Variants in FAM53A observed in about 807,000 individuals in gnomAD.
FAM53A encodes protein FAM53A.
FAM53A carries 28 observed loss-of-function variants against 26.6 expected under a neutral mutation model. The ratio of observed to expected loss-of-function variants is 1.05; its 90% CI spans 0.78 to 1.45. FAM53A has a LOEUF of 1.45. Among genes scored for constraint, FAM53A ranks in the 40% most tolerant of loss-of-function variants. FAM53A has a pLI of 0.00. For missense variants in FAM53A, 650 were observed against 575.8 expected, an observed-to-expected ratio of 1.13 and a Z score of -1.32; for synonymous variants, 290 against 253.1, an observed-to-expected ratio of 1.15 and a Z score of -1.38.
the FAM53A span, among the ~76,000 whole-genome samples, chr4:1,594,724 T>A: frequency 6.6e-6 from 1 of 152,104 alleles, no homozygotes; most frequent in African/African-American, 2.4e-5. Context: ...ACACATGTAG[T>A]CCCAGCTACT....
chr4:1,668,068 C>A (rs1714366622), intron 2 of FAM53A, among the ~76,000 whole-genome samples: 1 of 152,192 alleles, frequency 6.6e-6, no homozygotes, highest in Non-Finnish European at 1.5e-5. Context: ...AACAGGCACA[C>A]CTGCGCTTGG....
At chr4:1,656,544 C>T (rs549326035) in intron 3 of FAM53A, among the ~76,000 whole-genome samples, 4 of 152,118 alleles carry the variant, frequency 2.6e-5, no homozygotes, top group South Asian at 2.1e-4. Context: ...GGGAGAGCGG[C>T]CGGCTGGGTG....
intron 1 of FAM53A, among the ~76,000 whole-genome samples, chr4:1,633,536 A>G (rs1715704753): frequency 6.6e-6 from 1 of 152,218 alleles, no homozygotes; most frequent in African/African-American, 2.4e-5. Flanking sequence ...AAAAACAACC[A>G]TAAAGCAGAT....
Position 1,644,657 on chromosome 4 carries a change from A to C in FAM53A, c.883-3050T>G. ...GTCACTTCCATCTGAGGTTAAACAC[A>C]AAACAGTTGTCCAAAACACAAAGGT... On this transcript the variant is annotated intron_variant, in intron 4 of 4. Transcript: ENST00000308132. 9.6e-6 allele frequency: 3 copies of C among 312,828 alleles called. No homozygotes were observed. The South Asian group carries it at 2.0e-4, about 21-fold the overall frequency. 19.4% of individuals were successfully genotyped at this position (312,828 alleles called of 1,614,324 possible).
At chr4:1,646,249 C>T (rs572203935) in intron 4 of FAM53A, among the ~76,000 whole-genome samples, 9 of 152,202 alleles carry the variant, frequency 5.9e-5, no homozygotes, top group Admixed American at 1.3e-4. Context: ...TACAGGCGTC[C>T]GCCACCATGC....
the FAM53A span, among the ~76,000 whole-genome samples, chr4:1,585,538 C>A: frequency 6.6e-6 from 1 of 152,064 alleles, no homozygotes; most frequent in Non-Finnish European, 1.5e-5. Flanking sequence ...CCTGCCTCGG[C>A]CTCCCAAAGT....
the FAM53A span, among the ~76,000 whole-genome samples, chr4:1,600,072 T>C: frequency 9.2e-5 from 14 of 152,130 alleles, no homozygotes; most frequent in African/African-American, 3.4e-4. Context: ...ACTTCCCTAA[T>C]GCAGGGACCA....
At chr4:1,639,080 G>A (rs191980444), downstream of FAM53A, among the ~76,000 whole-genome samples, 22 of 152,152 alleles carry the variant, frequency 1.4e-4, no homozygotes, top group Non-Finnish European at 1.9e-4. Context: ...CCGACCTGCA[G>A]CAGAGGGCCC....
the FAM53A span, among the ~76,000 whole-genome samples, chr4:1,591,811 G>A: frequency 6.6e-5 from 10 of 152,270 alleles, no homozygotes; most frequent in African/African-American, 2.4e-4. Context: ...CCAGAGGGCC[G>A]CAGGAGGTCA....
At chr4:1,623,536 C>T (rs1197326799) in intron 1 of FAM53A, among the ~76,000 whole-genome samples, 2 of 152,226 alleles carry the variant, frequency 1.3e-5, no homozygotes, top group African/African-American at 2.4e-5. Context: ...CAGGGCTGCC[C>T]GCCTTCCCCG....
the FAM53A span, among the ~76,000 whole-genome samples, chr4:1,577,443 T>C: frequency 3.9e-5 from 6 of 152,066 alleles, no homozygotes; most frequent in Non-Finnish European, 2.9e-5. Context: ...GTAGGGGGGC[T>C]ACTGCCTGCT....
chr4:1,613,309 A>G (rs1004717013), downstream of FAM53A, among the ~76,000 whole-genome samples: 1 of 152,192 alleles, frequency 6.6e-6, no homozygotes, highest in Non-Finnish European at 1.5e-5. Context: ...CGCTCCCAAT[A>G]TGGCGTCCTG....
At chr4:1,675,700 C>T (rs1458550882) in intron 1 of FAM53A, among the ~76,000 whole-genome samples, 2 of 152,218 alleles carry the variant, frequency 1.3e-5, no homozygotes, top group South Asian at 2.1e-4. Flanking sequence ...CAACCCTTGG[C>T]CCGACCTCAG....
chr4:1,680,181 T>C (rs1263275079), intron 1 of FAM53A, among the ~76,000 whole-genome samples: 2 of 151,538 alleles, frequency 1.3e-5, no homozygotes, highest in African/African-American at 2.4e-5. Context: ...TAGCCGGGCA[T>C]GGTGGCACAT....
At chr4:1,681,449 G>A (rs750268731) in intron 1 of FAM53A, among the ~76,000 whole-genome samples, 9 of 150,584 alleles carry the variant, frequency 6.0e-5, no homozygotes, top group South Asian at 2.1e-4. Flanking sequence ...GGCTGAACTC[G>A]CTATTTTTAA....
At chr4:1,627,273 G>A (rs538385356) in intron 1 of FAM53A, among the ~76,000 whole-genome samples, 1 of 152,344 alleles carries the variant, frequency 6.6e-6, no homozygotes, top group Admixed American at 6.5e-5. Context: ...CACCCAGAGT[G>A]CTCAGGCAGG....
At chr4:1,576,079 C>T in the FAM53A span, among the ~76,000 whole-genome samples, 9 of 152,148 alleles carry the variant, frequency 5.9e-5, no homozygotes, top group Admixed American at 5.9e-4. Flanking sequence ...TTGATCGGCC[C>T]GTGCACTGGT....
At chr4:1,684,878 G>C (rs1577170063), upstream of FAM53A, among the ~76,000 whole-genome samples, 1 of 152,228 alleles carries the variant, frequency 6.6e-6, no homozygotes, top group Admixed American at 6.5e-5. Flanking sequence ...GCTCCTTCTG[G>C]CGATAGGCGG....
chr4:1,674,544 C>A (rs2109035704), intron 1 of FAM53A, among the ~76,000 whole-genome samples: 1 of 152,146 alleles, frequency 6.6e-6, no homozygotes, highest in Non-Finnish European at 1.5e-5. Flanking sequence ...TGGCACGTGC[C>A]TGTGGTCCCA....
Sources: gnomAD v4.1 joint callset for allele counts (sites outside exome capture counted in the v4.1 genomes callset) on GRCh38, gnomAD v4.1.1 for gene constraint, MANE v1.5 for transcripts, NCBI Gene and HGNC (gene_info 2026-07-23, HGNC 2026-07-21) for gene names.